The following TAF5L variants were observed in gnomAD, a reference collection of about 807,000 sequenced individuals.
The protein encoded by TAF5L is TAF5-like RNA polymerase II p300/CBP-associated factor-associated factor 65 kDa subunit 5L.
A neutral mutation model predicts 51.3 loss-of-function variants in TAF5L; 7 were observed. The observed-to-expected ratio is 0.14, with a 90% CI of 0.08 to 0.26. The LOEUF is 0.26. TAF5L is among the 10% of genes least tolerant of loss of function. The pLI is 1.00. For synonymous variants in TAF5L, 291 were observed against 308.1 expected, an observed-to-expected ratio of 0.94 and a Z score of 0.58; for missense variants, 575 against 758.9, an observed-to-expected ratio of 0.76 and a Z score of 2.85.
chr1:229,608,952 C>T (rs1048077926), intron 3 of TAF5L, among the ~76,000 whole-genome samples: 3 of 152,050 alleles, frequency 2.0e-5, no homozygotes, highest in Non-Finnish European at 2.9e-5. Flanking sequence ...TGCAGTGAGC[C>T]GTGATCATGC....
intron 1 of TAF5L, among the ~76,000 whole-genome samples, chr1:229,622,617 C>CT (rs1429102379): frequency 1.3e-5 from 2 of 152,034 alleles, no homozygotes; most frequent in East Asian, 1.9e-4. Flanking sequence ...AAAAGTCTTT[C>CT]TTTTTAATTT....
chr1:229,606,259 T>C, intron 3 of TAF5L: 18 of 899,210 alleles, frequency 2.0e-5, no homozygotes, highest in Non-Finnish European at 2.4e-5. Context: ...TAACTCCCAT[T>C]TTAAATTATT....
intron 1 of TAF5L, among the ~76,000 whole-genome samples, chr1:229,622,110 T>C (rs2102768050): frequency 6.6e-6 from 1 of 152,288 alleles, no homozygotes; most frequent in African/African-American, 2.4e-5. Context: ...TGTGTGTATA[T>C]ATATTATACA....
chr1:229,606,287 ACT>A (rs924431536), intron 3 of TAF5L: 1 of 832,278 alleles, frequency 1.2e-6, no homozygotes, highest in Non-Finnish European at 1.4e-6. Context: ...AATCTAACAT[ACT>A]CTGTATTTTA....
chr1:229,613,947 A>G (rs943945360), intron 2 of TAF5L, among the ~76,000 whole-genome samples: 1 of 152,210 alleles, frequency 6.6e-6, no homozygotes, highest in African/African-American at 2.4e-5. Flanking sequence ...TGACTTCTAC[A>G]TGTGAGGCTC....
intron 1 of TAF5L, among the ~76,000 whole-genome samples, chr1:229,620,832 G>A (rs1242567486): frequency 6.6e-6 from 1 of 152,204 alleles, no homozygotes; most frequent in Non-Finnish European, 1.5e-5. Context: ...CACCACTGCA[G>A]ACAGAAATAG....
chr1:229,622,037 CTA>C (rs1178936641), intron 1 of TAF5L, among the ~76,000 whole-genome samples: 42 of 145,374 alleles, frequency 2.9e-4, no homozygotes, highest in African/African-American at 1.2e-3. Flanking sequence ...ATCTATCTAT[CTA>C]TCTATCTATC....
Position 229,595,110 on chromosome 1 carries a change from T to A in TAF5L, c.973-16A>T. The A allele has an allele frequency of 6.4e-7, 1 of 1,556,418 alleles. No individual in the cohort carries two copies. The highest frequency in any genetic ancestry group is 8.7e-7 in the Non-Finnish European group (1 of 1,149,668). ...CCTCATCATCCTGGGAACAGTGGGG[T>A]GGGGTGGGAAAAGAAACACACACAA... On this transcript the variant is annotated splice_polypyrimidine_tract_variant and intron_variant, in intron 4 of 4. Transcript: ENST00000258281.
Position 229,599,748 on chromosome 1 carries a change from G to A in TAF5L, c.972+2447C>T, listed in dbSNP as rs921980131. 68 of 887,404 alleles carry A rather than the reference G, an allele frequency of 7.7e-5. No homozygotes were observed. The Admixed American group carries it at 8.7e-4, about 11-fold the overall frequency. The allele number at this position is 887,404 out of a possible 1,614,324, so 55.0% of individuals were successfully genotyped here. On this transcript the variant is annotated intron_variant, in intron 4 of 4. Coordinates refer to ENST00000258281, the Ensembl canonical transcript of TAF5L. ...GAATAATGCTTCCATAAATATTCAT[G>A]TACAAGTGCCTGTGTGCACATGTTT...
chr1:229,614,535 G>C (rs762054732), intron 1 of TAF5L, 50 bp from the exon 2 acceptor site: 5 of 1,601,558 alleles, frequency 3.1e-6, no homozygotes, highest in Non-Finnish European at 4.3e-6. Context: ...GCCTGGGAGA[G>C]CAACCTATCT....
chr1:229,601,984 A>G (rs2102744006), intron 4 of TAF5L: 2 of 1,392,836 alleles, frequency 1.4e-6, no homozygotes, highest in Non-Finnish European at 1.9e-6. Context: ...CCATTCATTA[A>G]TAAGAAGTTA....
At chr1:229,617,015 A>C (rs1038205627) in intron 1 of TAF5L, among the ~76,000 whole-genome samples, 3 of 152,192 alleles carry the variant, frequency 2.0e-5, no homozygotes, top group Non-Finnish European at 4.4e-5. Flanking sequence ...TCACTATGAA[A>C]TTTACCTTGC....
upstream of TAF5L, chr1:229,626,092 G>A (rs1395394352): frequency 6.6e-6 from 1 of 151,214 alleles, no homozygotes; most frequent in Non-Finnish European, 1.5e-5. Context: ...TGGGCCGCTC[G>A]GGCCTCCAAC....
intron 1 of TAF5L, among the ~76,000 whole-genome samples, chr1:229,624,710 G>A (rs1448738125): frequency 6.6e-6 from 1 of 152,112 alleles, no homozygotes; most frequent in African/African-American, 2.4e-5. Flanking sequence ...TTCCATCCTA[G>A]GTCTACTGTC....
chr1:229,603,818 C>T (rs1664480573), intron 3 of TAF5L, among the ~76,000 whole-genome samples: 1 of 152,196 alleles, frequency 6.6e-6, no homozygotes, highest in African/African-American at 2.4e-5. Flanking sequence ...TTAAGGCATG[C>T]TGTGAGGGAG....
chr1:229,593,462 G>C (rs1663993544), exon 5 of TAF5L: 2 of 152,114 alleles, frequency 1.3e-5, no homozygotes, highest in African/African-American at 4.8e-5. Flanking sequence ...GAATTATTAA[G>C]AGAAGTGCAG....
chr1:229,622,322 C>G (rs761323766), intron 1 of TAF5L, among the ~76,000 whole-genome samples: 1 of 152,086 alleles, frequency 6.6e-6, no homozygotes, highest in Non-Finnish European at 1.5e-5. Context: ...CCTTGTTGTT[C>G]AAAATAGACT....
At position 229,594,266 on chromosome 1, in the gene TAF5L, T is replaced by A; in HGVS notation, c.*31A>T. 6.3e-7 allele frequency: 1 copy of A among 1,578,242 alleles called. No homozygotes were observed. ...ATTGCAACTGGAGGCTTTCCACTGT[T>A]ACCCCAGTCCGTTCCAACAAAGTTA... is the stretch of plus-strand genomic sequence containing the variant. On this transcript the variant is annotated 3_prime_UTR_variant, in exon 5 of 5. Coordinates refer to ENST00000258281, the Ensembl canonical transcript of TAF5L. The surrounding 1 kb of genome is among the most constrained non-coding windows in gnomAD (Gnocchi z 7.9).
chr1:229,600,611 C>T, intron 4 of TAF5L: 1 of 985,440 alleles, frequency 1.0e-6, no homozygotes, highest in South Asian at 4.7e-5. Flanking sequence ...TCATATAAGA[C>T]AGTGTCACTA....
Sources: allele counts gnomAD v4.1 joint callset (sites outside exome capture counted in the v4.1 genomes callset), GRCh38; gene constraint gnomAD v4.1.1; non-coding constraint Gnocchi (gnomAD v3.1); transcripts MANE v1.5; gene names NCBI Gene and HGNC (gene_info 2026-07-23, HGNC 2026-07-21).